The following DRC8 variants were observed in gnomAD, a reference collection of about 807,000 sequenced individuals.
DRC8 encodes dynein regulatory complex protein 8.
the DRC8 span, among the ~76,000 whole-genome samples, chr1:245,068,122 C>T: frequency 2.0e-5 from 3 of 152,134 alleles, no homozygotes; most frequent in Non-Finnish European, 4.4e-5. Context: ...AAACATTTAA[C>T]GATGCCAAAG....
At chr1:245,116,524 C>T in the DRC8 span, among the ~76,000 whole-genome samples, 1 of 152,126 alleles carries the variant, frequency 6.6e-6, no homozygotes, top group African/African-American at 2.4e-5. Context: ...GCACAAAGCC[C>T]CAAGAGCTAG....
the DRC8 span, among the ~76,000 whole-genome samples, chr1:245,100,806 AATAATAATAAATACT>A: frequency 9.3e-6 from 1 of 106,988 alleles, no homozygotes; most frequent in Non-Finnish European, 2.2e-5. Flanking sequence ...TAATAATAAT[AATAATAATAAATACT>A]TCACAGTTTG....
chr1:244,970,784 TC>T, the DRC8 span: 231,752 of 380,580 alleles, frequency 0.61, 74,436 homozygotes, highest in South Asian at 0.71. Context: ...CCGTCCTCCT[TC>T]CCCCTCCCTC....
the DRC8 span, among the ~76,000 whole-genome samples, chr1:244,991,659 G>T: frequency 1.3e-5 from 2 of 152,194 alleles, no homozygotes; most frequent in African/African-American, 4.8e-5. Flanking sequence ...AGAGCAGTAG[G>T]AGTCAGGGCC....
chr1:245,040,355 T>C, the DRC8 span, among the ~76,000 whole-genome samples: 1 of 152,204 alleles, frequency 6.6e-6, no homozygotes, highest in Admixed American at 6.5e-5. Flanking sequence ...AGTCTTTTTC[T>C]CTGCCACTAC....
the DRC8 span, among the ~76,000 whole-genome samples, chr1:244,985,076 G>GT: frequency 4.1e-3 from 531 of 130,754 alleles, 4 homozygotes; most frequent in African/African-American, 0.01. Context: ...TGTCTCCAGG[G>GT]TTTTTTTTTT....
At chr1:244,970,677 C>CCGCCT in the DRC8 span, 8 of 402,240 alleles carry the variant, frequency 2.0e-5, no homozygotes, top group Non-Finnish European at 2.9e-5. Context: ...CCGCCCCGCC[C>CCGCCT]CGCCTCTCTC....
At chr1:245,019,489 T>C in the DRC8 span, among the ~76,000 whole-genome samples, 1 of 152,066 alleles carries the variant, frequency 6.6e-6, no homozygotes. Context: ...ACTCCTGAAG[T>C]GATCCTCCTG....
the DRC8 span, among the ~76,000 whole-genome samples, chr1:245,101,920 G>T: frequency 1.3e-5 from 2 of 152,122 alleles, no homozygotes; most frequent in Non-Finnish European, 2.9e-5. Flanking sequence ...AGACGATTTA[G>T]GTTCATCTTG....
At chr1:245,015,741 TC>T in the DRC8 span, 1 of 280,182 alleles carries the variant, frequency 3.6e-6, no homozygotes, top group Non-Finnish European at 7.1e-6. Context: ...AAAGAATATA[TC>T]CAGAATGCTG....
At chr1:245,122,354 T>C in the DRC8 span, 2 of 155,318 alleles carry the variant, frequency 1.3e-5, no homozygotes, top group African/African-American at 2.4e-5. Context: ...CGAGGCAGAG[T>C]GACTTAGTAG....
At chr1:245,063,291 T>A in the DRC8 span, among the ~76,000 whole-genome samples, 1 of 152,134 alleles carries the variant, frequency 6.6e-6, no homozygotes. Flanking sequence ...TGCCAGAGTG[T>A]TAAGTCTGTG....
chr1:245,098,118 A>T, the DRC8 span, among the ~76,000 whole-genome samples: 1 of 152,206 alleles, frequency 6.6e-6, no homozygotes, highest in East Asian at 1.9e-4. Context: ...GGTAGAAGCA[A>T]CAGGATTTCC....
the DRC8 span, among the ~76,000 whole-genome samples, chr1:245,036,490 G>T: frequency 1.3e-5 from 2 of 152,138 alleles, no homozygotes; most frequent in Admixed American, 6.5e-5. Flanking sequence ...TCATTCCTAG[G>T]CGTATACTGA....
chr1:244,993,201 G>T, the DRC8 span, among the ~76,000 whole-genome samples: 1 of 152,130 alleles, frequency 6.6e-6, no homozygotes, highest in Non-Finnish European at 1.5e-5. Context: ...AATATCAGTG[G>T]TGACTGCGCA....
chr1:245,014,977 A>G, the DRC8 span, among the ~76,000 whole-genome samples: 1 of 152,240 alleles, frequency 6.6e-6, no homozygotes, highest in Non-Finnish European at 1.5e-5. Flanking sequence ...GTTAGGGGGA[A>G]GAGAATTTGA....
the DRC8 span, among the ~76,000 whole-genome samples, chr1:244,976,223 C>T: frequency 1.2e-3 from 182 of 152,018 alleles, 1 homozygote; most frequent in African/African-American, 4.2e-3. Flanking sequence ...GAGCCTAGAT[C>T]GCAGCATTGC....
At chr1:245,120,368 A>C in the DRC8 span, among the ~76,000 whole-genome samples, 1 of 152,030 alleles carries the variant, frequency 6.6e-6, no homozygotes, top group Non-Finnish European at 1.5e-5. Context: ...ATCGATCTCA[A>C]TGTCTGTGTA....
chr1:245,011,941 C>T, the DRC8 span, among the ~76,000 whole-genome samples: 7 of 152,244 alleles, frequency 4.6e-5, no homozygotes, highest in South Asian at 8.3e-4. Context: ...TCTGGCTGGG[C>T]GCAGTGGCTC....
Sources: allele counts gnomAD v4.1 joint callset (sites outside exome capture counted in the v4.1 genomes callset), GRCh38; gene constraint gnomAD v4.1.1; transcripts MANE v1.5; gene names NCBI Gene and HGNC (gene_info 2026-07-23, HGNC 2026-07-21).